The following CDK15 variants were observed in gnomAD, a reference collection of about 807,000 sequenced individuals.
CDK15 encodes cyclin-dependent kinase 15.
CDK15 carries 62 observed loss-of-function variants against 60.3 expected under a neutral mutation model. That is an observed-to-expected ratio of 1.03 (90% CI 0.84 to 1.27). The LOEUF (loss-of-function observed/expected upper bound fraction) is 1.27, where lower values mean the gene tolerates loss of function less well. CDK15 is among the 50% of genes most tolerant of loss of function. CDK15 has a pLI of 0.00. For missense variants in CDK15, 541 were observed against 527.8 expected (o/e 1.03, Z -0.25); for synonymous variants, 194 against 195.7 (o/e 0.99, Z 0.07).
chr2:201,841,091 G>A (rs1052335905), intron 8 of CDK15, among the ~76,000 whole-genome samples: 1 of 151,934 alleles, frequency 6.6e-6, no homozygotes, highest in Non-Finnish European at 1.5e-5. Context: ...AATTTCTTCA[G>A]CTCATCTACC....
Position 201,895,098 on chromosome 2 carries a change from A to T in CDK15, c.*1831A>T, listed in dbSNP as rs1416544393. On this transcript the variant is annotated 3_prime_UTR_variant, in exon 14 of 14. Transcript: ENST00000652192. ...AGTTCTTGAGCAGTTTTACCTGTCC[A>T]TCAATACAAAGAGTTCCCACAACAG... is the stretch of plus-strand genomic sequence containing the variant. 6.6e-6 allele frequency: 1 copy of T among 152,218 alleles called. No individual in the cohort carries two copies. The highest frequency in any genetic ancestry group is 1.5e-5 in the Non-Finnish European group (1 of 68,042). The allele number at this position is 152,218 out of a possible 1,614,324, so 9.4% of individuals were successfully genotyped here.
rs781234061 is a variant in CDK15, at chr2:201,807,852, G to T, written c.274-6G>T. ...CCCGCTCCTTTTCCCCATTCCCCTA[G>T]AGCAGAGGAAGAGCCTCCCTTTTGG... On this transcript the variant is annotated splice_region_variant and splice_polypyrimidine_tract_variant and intron_variant, in intron 2 of 13. Coordinates refer to ENST00000652192, the MANE Select transcript of CDK15 (RefSeq NM_001366386.2). 6.8e-6 allele frequency: 11 copies of T among 1,611,966 alleles called. No homozygotes were observed. In the South Asian group the frequency reaches 1.2e-4, roughly 18 times the overall value.
At chr2:201,822,351 GCCCTATTGA>G (rs1291929157) in intron 4 of CDK15, among the ~76,000 whole-genome samples, 1 of 152,132 alleles carries the variant, frequency 6.6e-6, no homozygotes, top group African/African-American at 2.4e-5. Context: ...ATATCCACCG[GCCCTATTGA>G]CCGCTTGTGG....
chr2:201,891,818 C>T (rs547854934), intron 13 of CDK15, among the ~76,000 whole-genome samples: 8 of 152,292 alleles, frequency 5.3e-5, no homozygotes, highest in African/African-American at 1.7e-4. Flanking sequence ...AGCCTGCCCG[C>T]CCTTTAGGTG....
chr2:201,815,736 C>T (rs2106159087), intron 4 of CDK15, among the ~76,000 whole-genome samples: 1 of 152,260 alleles, frequency 6.6e-6, no homozygotes, highest in East Asian at 1.9e-4. Context: ...GACTTTCAGC[C>T]TGTTAATAGC....
At chr2:201,853,809 G>C (rs1698014055) in intron 9 of CDK15, among the ~76,000 whole-genome samples, 1 of 151,824 alleles carries the variant, frequency 6.6e-6, no homozygotes, top group Admixed American at 6.6e-5. Flanking sequence ...AGCTGTTTTG[G>C]CTTTATACTC....
rs140705052 is a variant in CDK15, at chr2:201,885,279, T to C, written c.1198+5112T>C. On this transcript the variant is annotated intron_variant, in intron 12 of 13. Coordinates refer to ENST00000652192, the MANE Select transcript of CDK15 (RefSeq NM_001366386.2). The stretch of plus-strand genomic sequence containing the variant: ...ATTTCAAACCTATTCTGTTTATTGG[T>C]TTTTTTGTGTATTCTATTCAAAGTT... Among the ~76,000 whole-genome samples the C allele has an allele frequency of 3.8e-3, 582 of 152,246 alleles. 3 individuals are homozygous for C. The highest frequency in any genetic ancestry group is 0.013 in the African/African-American group (558 of 41,540).
chr2:201,812,977 T>G (rs928138583), intron 4 of CDK15, among the ~76,000 whole-genome samples: 1 of 152,194 alleles, frequency 6.6e-6, no homozygotes, highest in Non-Finnish European at 1.5e-5. Context: ...AAGGCATGCA[T>G]GTTTAGTGTT....
At chr2:201,854,588 T>C (rs1354905178) in intron 9 of CDK15, among the ~76,000 whole-genome samples, 1 of 152,180 alleles carries the variant, frequency 6.6e-6, no homozygotes, top group African/African-American at 2.4e-5. Flanking sequence ...TGTTCAGTGA[T>C]GAGAACATGA....
At chr2:201,855,532 C>G (rs1246516988) in intron 10 of CDK15, among the ~76,000 whole-genome samples, 1 of 152,084 alleles carries the variant, frequency 6.6e-6, no homozygotes, top group Non-Finnish European at 1.5e-5. Context: ...GAGAAGCTGT[C>G]GCAGGGCCAC....
intron 12 of CDK15, among the ~76,000 whole-genome samples, chr2:201,884,282 T>C (rs1263787492): frequency 6.6e-6 from 1 of 152,152 alleles, no homozygotes; most frequent in Non-Finnish European, 1.5e-5. Context: ...AATCCCCTTC[T>C]CCTTTAAAAC....
In CDK15 at chr2:201,895,362, A is replaced by G. The variant is rs547402607; in HGVS notation, c.*2095A>G. The G allele has an allele frequency of 2.0e-5, 3 of 152,390 alleles. No individual in the cohort carries two copies. The highest frequency in any genetic ancestry group is 4.4e-5 in the Non-Finnish European group (3 of 68,038). 9.4% of individuals were successfully genotyped at this position (152,390 alleles called of 1,614,324 possible). A position where few individuals can be genotyped will look rare whatever the true frequency, so the allele number is the denominator to read the frequency against. On this transcript the variant is annotated 3_prime_UTR_variant, in exon 14 of 14. Coordinates refer to ENST00000652192, the MANE Select transcript of CDK15 (RefSeq NM_001366386.2). ...TTATTAAGTGGAAGTTGACAGAATT[A>G]TCCTCTTTATAATGGAGGAACATTA...
chr2:201,819,253 G>A (rs999985541), intron 4 of CDK15, among the ~76,000 whole-genome samples: 4 of 152,152 alleles, frequency 2.6e-5, no homozygotes, highest in South Asian at 2.1e-4. Context: ...TGAAGAAAGT[G>A]AGGGAGGATG....
At chr2:201,823,838 A>T in intron 6 of CDK15, 111 bp downstream of exon 6, 1 of 814,762 alleles carries the variant, frequency 1.2e-6, no homozygotes. Context: ...GAGGATGGAC[A>T]TCACTGATAT....
chr2:201,860,831 G>A (rs1402470154), intron 10 of CDK15: 1 of 1,352,042 alleles, frequency 7.4e-7, no homozygotes, highest in Non-Finnish European at 9.8e-7. Flanking sequence ...GTCTCATTTT[G>A]ACCTTAAATC....
chr2:201,808,057 G>A (rs1695598155), intron 3 of CDK15, 105 bp downstream of exon 3: 4 of 955,924 alleles, frequency 4.2e-6, no homozygotes, highest in Non-Finnish European at 6.3e-6. Context: ...TAGCACTCAG[G>A]ACCTGTGCAA....
At chr2:201,888,487 T>G (rs1437150427) in intron 12 of CDK15, 3 of 1,535,110 alleles carry the variant, frequency 2.0e-6, no homozygotes, top group South Asian at 2.4e-5. Flanking sequence ...AATTATGCTG[T>G]CAGCCTCGGG....
intron 10 of CDK15, among the ~76,000 whole-genome samples, chr2:201,870,635 G>A (rs891347017): frequency 2.0e-5 from 3 of 152,156 alleles, no homozygotes; most frequent in Admixed American, 1.3e-4. Context: ...AGGCTGAGGT[G>A]GGAGGATCAC....
At chr2:201,855,735 G>A (rs1002823462) in intron 10 of CDK15, among the ~76,000 whole-genome samples, 4 of 152,156 alleles carry the variant, frequency 2.6e-5, no homozygotes, top group African/African-American at 7.2e-5. Flanking sequence ...AGATTAGGGT[G>A]GATATGCTCC....
Sources: allele counts gnomAD v4.1 joint callset (sites outside exome capture counted in the v4.1 genomes callset), GRCh38; gene constraint gnomAD v4.1.1; transcripts MANE v1.5; gene names NCBI Gene and HGNC (gene_info 2026-07-23, HGNC 2026-07-21).